The following INSL6 variants were observed in gnomAD, a reference collection of about 807,000 sequenced individuals.
INSL6 encodes the protein insulin-like peptide INSL6.
In INSL6, 16 loss-of-function variants were observed where a neutral mutation model predicts 9.4. That is an observed-to-expected ratio of 1.70 (90% CI 1.15 to 2.59). The LOEUF (loss-of-function observed/expected upper bound fraction) is 2.59, where lower values mean the gene tolerates loss of function less well. INSL6 is among the 30% of genes most tolerant of loss of function. INSL6 has a pLI of 0.00. For missense variants in INSL6, 391 were observed against 257.3 expected (o/e 1.52, Z -3.56); for synonymous variants, 154 against 96.9 (o/e 1.59, Z -3.46).
chr9:5,080,632 A>G, the INSL6 span: 1 of 1,604,382 alleles, frequency 6.2e-7, no homozygotes, highest in Non-Finnish European at 8.5e-7. Context: ...ACCAGATTTC[A>G]GGCCTTCTTT....
In INSL6 at chr9:5,185,471, G is replaced by A; in HGVS notation, c.132C>T (p.Leu44=). 1.2e-6 allele frequency: 2 copies of A among 1,614,160 alleles called. No individual in the cohort carries two copies. Among genetic ancestry groups the A allele is most frequent in the Non-Finnish European group, 1.7e-6 (2 of 1,180,036 alleles). ...GRYLVKEIEK[L]CGHANWSQFR... ...ACTGGCTCCAGTTGGCATGGCCGCA[G>A]AGTTTTTCTATTTCTTTCACCAAGT... The change falls in exon 1 of 2, where the codon CTC becomes CTT. Residue 44 remains leucine (L), a synonymous_variant. Transcript: ENST00000381641.
At chr9:5,127,161 GT>G in intron 3 of INSL6, 1 of 243,568 alleles carries the variant, frequency 4.1e-6, no homozygotes. Context: ...TGTATGTATA[GT>G]TTTTACCACA....
intron 2 of INSL6, among the ~76,000 whole-genome samples, chr9:5,141,136 G>C (rs1435846462): frequency 2.6e-5 from 4 of 152,074 alleles, no homozygotes; most frequent in Non-Finnish European, 4.4e-5. Flanking sequence ...TTGATTCCAT[G>C]ACTTTGCTAT....
At chr9:5,104,911 AAAT>A in the INSL6 span, among the ~76,000 whole-genome samples, 1 of 152,228 alleles carries the variant, frequency 6.6e-6, no homozygotes, top group Non-Finnish European at 1.5e-5. Flanking sequence ...ATGTATCTCA[AAAT>A]AATAAGAGCT....
At chr9:5,160,960 G>A (rs1343590051), downstream of INSL6, among the ~76,000 whole-genome samples, 2 of 152,098 alleles carry the variant, frequency 1.3e-5, no homozygotes, top group African/African-American at 4.8e-5. Context: ...AACTCTCCAA[G>A]CAAAGAAAAG....
the INSL6 span, chr9:5,044,640 A>C: frequency 1.8e-6 from 1 of 556,688 alleles, no homozygotes; most frequent in Non-Finnish European, 3.1e-6. Context: ...CTTGCACAGC[A>C]GGTGCAGAGA....
At chr9:5,117,506 A>G in the INSL6 span, among the ~76,000 whole-genome samples, 6 of 152,202 alleles carry the variant, frequency 3.9e-5, no homozygotes, top group Non-Finnish European at 8.8e-5. Context: ...TTTCATAAGT[A>G]TAGTTTTCCA....
At chr9:5,151,879 C>A (rs965116112) in intron 2 of INSL6, among the ~76,000 whole-genome samples, 5 of 151,806 alleles carry the variant, frequency 3.3e-5, no homozygotes, top group Non-Finnish European at 5.9e-5. Context: ...ACCAATGACA[C>A]GTTGTTTACA....
the INSL6 span, among the ~76,000 whole-genome samples, chr9:5,001,853 G>C: frequency 1.3e-5 from 2 of 151,952 alleles, no homozygotes; most frequent in African/African-American, 2.4e-5. Flanking sequence ...ATTTATTGAA[G>C]AGATATGATA....
At chr9:4,994,954 G>A in the INSL6 span, among the ~76,000 whole-genome samples, 1 of 152,104 alleles carries the variant, frequency 6.6e-6, no homozygotes, top group South Asian at 2.1e-4. Context: ...GTGTGTGTGT[G>A]TGTGACTATA....
At chr9:5,094,590 C>G in the INSL6 span, 1 of 152,122 alleles carries the variant, frequency 6.6e-6, no homozygotes, top group Non-Finnish European at 1.5e-5. Context: ...ATTACTCTGA[C>G]CGCTCCTACC....
the INSL6 span, among the ~76,000 whole-genome samples, chr9:5,048,726 T>C: frequency 7.2e-5 from 11 of 152,174 alleles, no homozygotes; most frequent in African/African-American, 2.4e-4. Flanking sequence ...GAAAAGCAAA[T>C]ATACTTTTAA....
intron 3 of INSL6, chr9:5,127,008 A>G: frequency 3.2e-6 from 1 of 309,348 alleles, no homozygotes; most frequent in Non-Finnish European, 6.0e-6. Flanking sequence ...CTTAGCAAGG[A>G]TTTTGTAAGA....
the INSL6 span, among the ~76,000 whole-genome samples, chr9:5,062,240 A>G: frequency 1.3e-5 from 2 of 152,118 alleles, 1 homozygote; most frequent in African/African-American, 4.8e-5. Flanking sequence ...GGCTGATTTC[A>G]GAACTTGAAT....
chr9:5,033,960 G>A, the INSL6 span, among the ~76,000 whole-genome samples: 2 of 152,252 alleles, frequency 1.3e-5, no homozygotes, highest in East Asian at 1.9e-4. Context: ...TGGATAAAGA[G>A]TCAAGACCCA....
the INSL6 span, among the ~76,000 whole-genome samples, chr9:5,090,205 T>TA: frequency 2.0e-5 from 3 of 152,214 alleles, no homozygotes; most frequent in Non-Finnish European, 4.4e-5. Flanking sequence ...TCAGTTTATT[T>TA]TGGTTTGCCT....
chr9:5,043,659 C>A, the INSL6 span, among the ~76,000 whole-genome samples: 6 of 152,212 alleles, frequency 3.9e-5, no homozygotes, highest in Admixed American at 6.5e-5. Context: ...TTCATACTAG[C>A]GTTATTCACA....
At chr9:5,175,219 C>A (rs1404552995) in intron 1 of INSL6, among the ~76,000 whole-genome samples, 17 of 152,190 alleles carry the variant, frequency 1.1e-4, no homozygotes, top group Non-Finnish European at 2.9e-5. Context: ...GGATTACAGG[C>A]ATGAGCCACC....
the INSL6 span, among the ~76,000 whole-genome samples, chr9:5,113,172 T>C: frequency 6.8e-6 from 1 of 147,296 alleles, no homozygotes; most frequent in East Asian, 2.0e-4. Context: ...CTTGGCCCTG[T>C]TGTCTGGGCT....
Sources: allele counts gnomAD v4.1 joint callset (sites outside exome capture counted in the v4.1 genomes callset), GRCh38; gene constraint gnomAD v4.1.1; transcripts MANE v1.5; gene names NCBI Gene and HGNC (gene_info 2026-07-23, HGNC 2026-07-21).